Variants in BRAF observed in about 807,000 individuals in gnomAD.
BRAF encodes serine/threonine-protein kinase B-raf.
In BRAF, 16 loss-of-function variants were observed where a neutral mutation model predicts 104.6. The ratio of observed to expected loss-of-function variants is 0.15; its 90% CI spans 0.10 to 0.23. The LOEUF is 0.23. Ranked by LOEUF, BRAF falls within the 10% of genes least tolerant of loss-of-function variation. The probability of loss-of-function intolerance (pLI) is 1.00; values close to 1 mark genes in which losing one functional copy is unlikely to be tolerated. For synonymous variants in BRAF, 310 were observed against 341.6 expected (o/e 0.91, Z 1.02); for missense variants, 541 against 937.3 (o/e 0.58, Z 5.52).
intron 3 of BRAF, among the ~76,000 whole-genome samples, chr7:140,826,136 C>T (rs1230289219): frequency 6.6e-6 from 1 of 152,054 alleles, no homozygotes; most frequent in Non-Finnish European, 1.5e-5. Flanking sequence ...CTAGCTTTAC[C>T]TTATTCACTG....
chr7:140,724,250 C>G lies in BRAF; in HGVS notation c.*2244G>C. On this transcript the variant is annotated 3_prime_UTR_variant, in exon 20 of 20. Transcript: ENST00000644969. ...GTCCCGGACCCAGGCTGCACATGTT[C>G]TACCTCCTCAGCAGGACATGAAACA... 9.4e-7 allele frequency: 1 copy of G among 1,059,350 alleles called. No individual in the cohort carries two copies. Among genetic ancestry groups the G allele is most frequent in the Middle Eastern group, 4.2e-4 (1 of 2,370 alleles). The allele number at this position is 1,059,350 out of a possible 1,614,324, so 65.6% of individuals were successfully genotyped here. A position where few individuals can be genotyped will look rare whatever the true frequency, so the allele number is the denominator to read the frequency against.
chr7:140,755,862 G>T (rs1798159055), intron 14 of BRAF, among the ~76,000 whole-genome samples: 1 of 151,762 alleles, frequency 6.6e-6, no homozygotes, highest in African/African-American at 2.4e-5. Context: ...GAGAGACCTG[G>T]GATCTAGTAT....
intron 1 of BRAF, among the ~76,000 whole-genome samples, chr7:140,921,425 T>C (rs899845858): frequency 6.6e-6 from 1 of 152,178 alleles, no homozygotes; most frequent in Non-Finnish European, 1.5e-5. Flanking sequence ...GATGTGAAAT[T>C]TGTTCATTCC....
intron 1 of BRAF, among the ~76,000 whole-genome samples, chr7:140,908,090 A>G (rs916244981): frequency 3.3e-5 from 5 of 152,174 alleles, no homozygotes; most frequent in Admixed American, 3.3e-4. Context: ...TTTGTCTCCA[A>G]TTCTTTAAAT....
At chr7:140,798,559 CTT>C (rs1033928919) in intron 7 of BRAF, among the ~76,000 whole-genome samples, 98 of 125,272 alleles carry the variant, frequency 7.8e-4, no homozygotes, top group Middle Eastern at 4.1e-3. Flanking sequence ...CGCGCCCGGC[CTT>C]TTTTTTTTTT....
At chr7:140,767,868 A>G (rs772859020) in intron 14 of BRAF, among the ~76,000 whole-genome samples, 4 of 152,224 alleles carry the variant, frequency 2.6e-5, no homozygotes, top group Non-Finnish European at 5.9e-5. Flanking sequence ...AAATGAGGTA[A>G]TGTATATAAA....
At chr7:140,799,117 G>A (rs1366369219) in intron 7 of BRAF, 1 of 192,254 alleles carries the variant, frequency 5.2e-6, no homozygotes, top group East Asian at 8.2e-5. Context: ...CTCCCAAAGT[G>A]CTGGGATTAC....
chr7:140,739,808 T>A lies in BRAF; in HGVS notation c.2247+4A>T, dbSNP rs772330392. 1.2e-6 allele frequency: 2 copies of A among 1,612,064 alleles called. No homozygotes were observed. The highest frequency in any genetic ancestry group is 2.2e-5 in the South Asian group (2 of 91,000). On this transcript the variant is annotated splice_donor_region_variant and intron_variant, in intron 18 of 19. Transcript: ENST00000644969. Reference sequence around the variant, plus strand: ...CTTTTGGATAGCATGAAGCTTTTACTTACTTGGGGAAAGAGTGGTCTCTCA... The same window carrying A: ...CTTTTGGATAGCATGAAGCTTTTACATACTTGGGGAAAGAGTGGTCTCTCA...
chr7:140,792,528 A>G (rs537243986), intron 8 of BRAF, among the ~76,000 whole-genome samples: 2 of 152,228 alleles, frequency 1.3e-5, no homozygotes, highest in South Asian at 4.2e-4. Context: ...TTCCTTAACA[A>G]ATGACTTTCC....
downstream of BRAF, among the ~76,000 whole-genome samples, chr7:140,718,440 G>C (rs1003885600): frequency 3.9e-5 from 6 of 152,216 alleles, no homozygotes; most frequent in African/African-American, 1.4e-4. Flanking sequence ...AGGAGAGAGG[G>C]GGTTTCTCCA....
intron 2 of BRAF, among the ~76,000 whole-genome samples, chr7:140,841,795 T>C (rs1343531529): frequency 6.6e-6 from 1 of 152,138 alleles, no homozygotes; most frequent in Non-Finnish European, 1.5e-5. Flanking sequence ...TGGAATAAGA[T>C]AGTGGTGAAT....
chr7:140,767,884 CAG>C, intron 14 of BRAF, among the ~76,000 whole-genome samples: 1 of 152,148 alleles, frequency 6.6e-6, no homozygotes, highest in Admixed American at 6.6e-5. Context: ...ATAAAGTACA[CAG>C]AATGTCTGAC....
intron 1 of BRAF, among the ~76,000 whole-genome samples, chr7:140,887,806 T>A (rs1416002740): frequency 6.6e-6 from 1 of 152,108 alleles, no homozygotes; most frequent in Non-Finnish European, 1.5e-5. Flanking sequence ...CTCAAACTTT[T>A]GGGTTCAAGC....
chr7:140,923,544 G>C (rs1818489636), intron 1 of BRAF, among the ~76,000 whole-genome samples: 1 of 152,162 alleles, frequency 6.6e-6, no homozygotes, highest in Admixed American at 6.5e-5. Context: ...ACAACACTAA[G>C]AAATCAATCA....
At chr7:140,869,141 T>C (rs1036628799) in intron 1 of BRAF, among the ~76,000 whole-genome samples, 2 of 152,162 alleles carry the variant, frequency 1.3e-5, no homozygotes, top group African/African-American at 4.8e-5. Flanking sequence ...GGGAGGCACA[T>C]TAACCAGAGT....
chr7:140,725,739 C>A lies in BRAF; in HGVS notation c.*755G>T. 1 of 1,060,812 alleles carries A rather than the reference C, an allele frequency of 9.4e-7. No homozygotes were observed. The highest frequency in any genetic ancestry group is 1.1e-6 in the Non-Finnish European group (1 of 876,552). 65.7% of individuals were successfully genotyped at this position (1,060,812 alleles called of 1,614,324 possible). ...CAAACACTTATCTTCATTGCTGGAC[C>A]CAATGAGAAAGAAGGCAATGTGTGC... is the stretch of plus-strand genomic sequence containing the variant. On this transcript the variant is annotated 3_prime_UTR_variant, in exon 20 of 20. Transcript: ENST00000644969.
At chr7:140,760,769 A>G (rs1003902421) in intron 14 of BRAF, among the ~76,000 whole-genome samples, 2 of 152,206 alleles carry the variant, frequency 1.3e-5, no homozygotes, top group African/African-American at 4.8e-5. Flanking sequence ...CGATGCGATC[A>G]ACTGGAAGAA....
chr7:140,876,547 G>A (rs1257736539), intron 1 of BRAF, among the ~76,000 whole-genome samples: 1 of 152,096 alleles, frequency 6.6e-6, no homozygotes, highest in African/African-American at 2.4e-5. Context: ...TTTTTAAAAT[G>A]ACCCAACTAT....
At chr7:140,750,318 C>T (rs1273835806) in intron 16 of BRAF, among the ~76,000 whole-genome samples, 1 of 152,158 alleles carries the variant, frequency 6.6e-6, no homozygotes, top group Non-Finnish European at 1.5e-5. Flanking sequence ...GGACAAGATT[C>T]CTGGTTATTG....
Sources: allele counts gnomAD v4.1 joint callset (sites outside exome capture counted in the v4.1 genomes callset), GRCh38; gene constraint gnomAD v4.1.1; transcripts MANE v1.5; gene names NCBI Gene and HGNC (gene_info 2026-07-23, HGNC 2026-07-21).